The following LYPD8 variants were observed in gnomAD, a reference collection of about 807,000 sequenced individuals.
The protein encoded by LYPD8 is LY6/PLAUR domain containing 8.
LYPD8 carries 8 observed loss-of-function variants against 1.7 expected under a neutral mutation model. That is an observed-to-expected ratio of 4.58 (90% CI 2.69 to 8.27). The LOEUF (loss-of-function observed/expected upper bound fraction) is 8.27. Among genes scored for constraint, LYPD8 ranks in the 30% most tolerant of loss-of-function variants. The pLI, the probability that LYPD8 is intolerant of heterozygous loss-of-function variation, is 0.00. For synonymous variants in LYPD8, 50 were observed against 43.6 expected, an observed-to-expected ratio of 1.15 and a Z score of -0.58; for missense variants, 112 against 102.3, an observed-to-expected ratio of 1.09 and a Z score of -0.41.
At position 248,753,544 on chromosome 1, in the gene LYPD8, A is replaced by C. The variant is rs1572156882; in HGVS notation, c.-50+1695T>G. On this transcript the variant is annotated intron_variant, in intron 2 of 6. Transcript: ENST00000590317. The stretch of plus-strand genomic sequence containing the variant: ...CACACCCCACACAACACACCACATC[A>C]CACAAAACACATCACACACACAACA... 2.2e-3 allele frequency among the ~76,000 whole-genome samples: 254 copies of C among 114,442 alleles called. 2 individuals are homozygous for C. Among genetic ancestry groups the C allele is most frequent in the East Asian group, 3.6e-3 (11 of 3,088 alleles). The allele number at this position is 114,442 out of a possible 152,430, so 75.1% of individuals were successfully genotyped here. A position where few individuals can be genotyped will look rare whatever the true frequency, so the allele number is the denominator to read the frequency against.
intron 6 of LYPD8, among the ~76,000 whole-genome samples, chr1:248,740,835 T>G (rs1662581617): frequency 6.6e-6 from 1 of 151,562 alleles, no homozygotes; most frequent in Non-Finnish European, 1.5e-5. Flanking sequence ...GCAATTTGAG[T>G]TCAAGGCTGG....
In LYPD8 at chr1:248,739,777, C is replaced by A; in HGVS notation, c.548G>T (p.Gly183Val). Reference sequence around the variant, plus strand: ...GACTCCTCCAAGAGTCTTGTTTTCACCAGACAGGAACTGACAGGTGGCGTT... The same window carrying A: ...GACTCCTCCAAGAGTCTTGTTTTCAACAGACAGGAACTGACAGGTGGCGTT... ...VSNATCQFLS[G>V]ENKTLGGVIF... The change falls in exon 7 of 7, where the codon GGT (glycine) becomes GTT (valine). Residue 183 changes from glycine (G) to valine (V), a missense_variant. By Grantham distance (109) the Gly-to-Val change is moderately radical (BLOSUM62 -3). Coordinates refer to ENST00000590317, the MANE Select transcript of LYPD8 (RefSeq NM_001085474.2). The surrounding 1 kb of genome is among the most constrained non-coding windows in gnomAD (Gnocchi z 4.3). 6.4e-7 allele frequency: 1 copy of A among 1,551,750 alleles called. No homozygotes were observed.
At chr1:248,752,801 C>CA (rs1572156316) in intron 2 of LYPD8, among the ~76,000 whole-genome samples, 1,738 of 99,728 alleles carry the variant, frequency 0.017, 145 homozygotes, top group East Asian at 0.035. Context: ...CACACCACAC[C>CA]CCACAACACA....
intron 5 of LYPD8, among the ~76,000 whole-genome samples, chr1:248,745,581 G>A (rs1192877870): frequency 6.6e-6 from 1 of 152,182 alleles, no homozygotes; most frequent in Non-Finnish European, 1.5e-5. Context: ...ATGAACATTA[G>A]CTAGCCATCC....
intron 6 of LYPD8, among the ~76,000 whole-genome samples, chr1:248,743,160 A>G (rs1662647736): frequency 6.6e-6 from 1 of 152,194 alleles, no homozygotes; most frequent in African/African-American, 2.4e-5. Context: ...GTATTTAAAA[A>G]AAAACAGTAT....
chr1:248,740,070 C>T (rs976355680), intron 6 of LYPD8, among the ~76,000 whole-genome samples: 10 of 152,300 alleles, frequency 6.6e-5, no homozygotes, highest in Non-Finnish European at 1.3e-4. Flanking sequence ...AGACTCCCAC[C>T]GCCACCTGAC....
chr1:248,750,354 C>A (rs1662779796), intron 4 of LYPD8, among the ~76,000 whole-genome samples, 170 bp downstream of exon 4: 1 of 152,314 alleles, frequency 6.6e-6, no homozygotes, highest in South Asian at 2.1e-4. Context: ...TTGTCTGGCT[C>A]CTGCTTGCCT....
At chr1:248,753,420 CACACACA>C (rs1662864812) in intron 2 of LYPD8, among the ~76,000 whole-genome samples, 1 of 119,916 alleles carries the variant, frequency 8.3e-6, no homozygotes, top group Non-Finnish European at 1.7e-5. Flanking sequence ...CACCACACAC[CACACACA>C]ACACACACAA....
chr1:248,751,825 C>G (rs899924971), intron 2 of LYPD8, among the ~76,000 whole-genome samples: 2 of 152,176 alleles, frequency 1.3e-5, no homozygotes, highest in Non-Finnish European at 2.9e-5. Context: ...CCTGGACACA[C>G]TCAACCTGCA....
At chr1:248,750,679 C>T (rs1381587994) in intron 3 of LYPD8, 36 bp from the exon 4 acceptor site, 1 of 398,604 alleles carries the variant, frequency 2.5e-6, no homozygotes, top group Non-Finnish European at 4.4e-6. Context: ...AGTCAACATT[C>T]AGTAGACATT....
chr1:248,745,429 T>A (rs1662713667), intron 5 of LYPD8, 150 bp from the exon 6 acceptor site: 1 of 393,766 alleles, frequency 2.5e-6, no homozygotes, highest in African/African-American at 2.1e-5. Context: ...AAACACCATG[T>A]CTCCTCAAAA....
intron 1 of LYPD8, 105 bp from the exon 2 acceptor site, chr1:248,755,491 AAAC>A (rs1662906001): frequency 6.5e-6 from 1 of 152,782 alleles, no homozygotes; most frequent in Non-Finnish European, 1.5e-5. Context: ...GCAGATGGCA[AAAC>A]AACAAGAAAA....
Position 248,739,877 on chromosome 1 carries a change from C to T in LYPD8, c.476-28G>A, listed in dbSNP as rs1433119637. 17 of 1,550,972 alleles carry T rather than the reference C, an allele frequency of 1.1e-5. No individual in the cohort carries two copies. Among genetic ancestry groups the T allele is most frequent in the South Asian group, 9.5e-5 (8 of 84,056 alleles). On this transcript the variant is annotated intron_variant, in intron 6 of 6. Transcript: ENST00000590317. This position sits in a 1 kb window ranked among gnomAD's most constrained non-coding sequence, Gnocchi z 4.3. ...GTGAATGCAAAGGAGACAGGAGGGACGCCACTCAGTCCTTTGTCCTTCCAC... is the reference window on the plus strand; with the variant it reads ...GTGAATGCAAAGGAGACAGGAGGGATGCCACTCAGTCCTTTGTCCTTCCAC...
At chr1:248,751,161 G>A (rs1364549062) in intron 2 of LYPD8, 31 bp from the exon 3 acceptor site, 6 of 398,290 alleles carry the variant, frequency 1.5e-5, no homozygotes, top group Admixed American at 8.8e-5. Flanking sequence ...CAGCCCCGGG[G>A]CCTTGGAGGG....
Position 248,753,586 on chromosome 1 carries a change from CACACA to C in LYPD8, c.-50+1648_-50+1652del, listed in dbSNP as rs1480478073. On this transcript the variant is annotated intron_variant, in intron 2 of 6. Transcript: ENST00000590317. ...CACACAACACACACCCCACACAACA[CACACA>C]ACACAACACACACACCACACACCCC... 2.1e-3 allele frequency among the ~76,000 whole-genome samples: 274 copies of C among 131,434 alleles called. 6 individuals are homozygous for C. Among genetic ancestry groups the C allele is most frequent in the Admixed American group, 3.4e-3 (47 of 13,784 alleles). 86.2% of individuals were successfully genotyped at this position (131,434 alleles called of 152,430 possible).
In LYPD8 at chr1:248,739,889, C is replaced by T. The variant is rs782771207; in HGVS notation, c.476-40G>A. 6.5e-6 allele frequency: 10 copies of T among 1,549,470 alleles called. No homozygotes were observed. In the South Asian group the frequency reaches 1.2e-4, roughly 18 times the overall value. On this transcript the variant is annotated intron_variant, in intron 6 of 6. Transcript: ENST00000590317. This position sits in a 1 kb window ranked among gnomAD's most constrained non-coding sequence, Gnocchi z 4.3. The stretch of plus-strand genomic sequence containing the variant: ...GAGACAGGAGGGACGCCACTCAGTC[C>T]TTTGTCCTTCCACCCACGCCTGCTC...
intron 4 of LYPD8, among the ~76,000 whole-genome samples, chr1:248,749,304 A>G (rs1662759165): frequency 6.6e-6 from 1 of 152,248 alleles, no homozygotes; most frequent in African/African-American, 2.4e-5. Flanking sequence ...ACATCATGAC[A>G]TCTTTGAAAC....
chr1:248,750,006 T>TC (rs1662771513), intron 4 of LYPD8, among the ~76,000 whole-genome samples: 1 of 152,138 alleles, frequency 6.6e-6, no homozygotes. Flanking sequence ...TTCATTATAC[T>TC]CTTTTTCCTA....
Position 248,739,835 on chromosome 1 carries a change from T to C in LYPD8, c.490A>G (p.Ser164Gly), listed in dbSNP as rs1553283103. 1 of 1,551,728 alleles carries C rather than the reference T, an allele frequency of 6.4e-7. No homozygotes were observed. Among genetic ancestry groups the C allele is most frequent in the Non-Finnish European group, 8.7e-7 (1 of 1,146,996 alleles). Reference protein sequence around the residue: ...AELKNDIESKSLVLKGCSNVS... With the variant: ...AELKNDIESKGLVLKGCSNVS... Reference sequence around the variant, plus strand: ...TTGGAACAGCCTTTCAGCACGAGACTCTTAGACTCAATGTCTGTGAATGCA... The same window carrying C: ...TTGGAACAGCCTTTCAGCACGAGACCCTTAGACTCAATGTCTGTGAATGCA... The change falls in exon 7 of 7, where the codon AGT becomes GGT. Residue 164 changes from serine (S) to glycine (G), a missense_variant. Ser to Gly is a moderately conservative substitution (Grantham distance 56). Transcript: ENST00000590317. The surrounding 1 kb of genome is among the most constrained non-coding windows in gnomAD (Gnocchi z 4.3).
Sources: allele counts gnomAD v4.1 joint callset (sites outside exome capture counted in the v4.1 genomes callset), GRCh38; gene constraint gnomAD v4.1.1; non-coding constraint Gnocchi (gnomAD v3.1); transcripts MANE v1.5; gene names NCBI Gene and HGNC (gene_info 2026-07-23, HGNC 2026-07-21).